ASTN2: variants seen among roughly 807,000 people sequenced by gnomAD.
The protein encoded by ASTN2 is astrotactin-2.
ASTN2 carries 54 observed loss-of-function variants against 139.8 expected under a neutral mutation model. The ratio of observed to expected loss-of-function variants is 0.39; its 90% confidence interval spans 0.31 to 0.48. The LOEUF (loss-of-function observed/expected upper bound fraction) is 0.48, where lower values mean the gene tolerates loss of function less well. ASTN2 is among the 20% of genes least tolerant of loss of function. The pLI is 0.95. For missense variants in ASTN2, 1,565 were observed against 1,725.1 expected, an observed-to-expected ratio of 0.91 and a Z score of 1.64; for synonymous variants, 756 against 719.5, an observed-to-expected ratio of 1.05 and a Z score of -0.81.
At chr9:116,747,936 C>G (rs568442790) in intron 13 of ASTN2, among the ~76,000 whole-genome samples, 2 of 152,242 alleles carry the variant, frequency 1.3e-5, no homozygotes, top group East Asian at 3.9e-4. Flanking sequence ...TTATCTTCTC[C>G]TTGGCCACTT....
intron 20 of ASTN2, among the ~76,000 whole-genome samples, chr9:116,470,401 T>C (rs1848776637): frequency 6.6e-6 from 1 of 152,108 alleles, no homozygotes; most frequent in Non-Finnish European, 1.5e-5. Context: ...ACTAGGAAGT[T>C]AGACTCTAGA....
At chr9:117,395,343 G>T (rs1045834188) in intron 1 of ASTN2, among the ~76,000 whole-genome samples, 1 of 152,114 alleles carries the variant, frequency 6.6e-6, no homozygotes, top group East Asian at 1.9e-4. Context: ...GGGAGAAGAG[G>T]TCTTTAAAAA....
In ASTN2 at chr9:117,096,036, A is replaced by G. The variant is rs748639251; in HGVS notation, c.1276+8T>C. On this transcript the variant is annotated splice_region_variant and intron_variant, in intron 5 of 22. Coordinates refer to ENST00000313400, the MANE Select transcript of ASTN2 (RefSeq NM_001365068.1). ...TCTGGTTCTGGAACCTTCCAAGGAC[A>G]CTATTACCTTTGCTGCGGCGGCGAC... 1.1e-5 allele frequency: 17 copies of G among 1,613,106 alleles called. No homozygotes were observed. The highest frequency in any genetic ancestry group is 1.4e-5 in the Non-Finnish European group (16 of 1,179,236).
chr9:116,926,910 C>G (rs1834770506), intron 10 of ASTN2, among the ~76,000 whole-genome samples: 1 of 151,992 alleles, frequency 6.6e-6, no homozygotes, highest in South Asian at 2.1e-4. Context: ...AGAGGGCCAT[C>G]AGGAGATTAT....
chr9:117,383,311 T>A (rs940493565), intron 1 of ASTN2, among the ~76,000 whole-genome samples: 1 of 152,150 alleles, frequency 6.6e-6, no homozygotes, highest in Non-Finnish European at 1.5e-5. Flanking sequence ...AGGTCAAAAA[T>A]AGACAAAATT....
chr9:117,127,358 C>T (rs1212037205), intron 4 of ASTN2, among the ~76,000 whole-genome samples: 1 of 152,188 alleles, frequency 6.6e-6, no homozygotes, highest in African/African-American at 2.4e-5. Context: ...AAGGCTGATA[C>T]AGATACAGGA....
chr9:116,563,185 C>G (rs971363960), intron 19 of ASTN2, among the ~76,000 whole-genome samples: 2 of 151,922 alleles, frequency 1.3e-5, no homozygotes, highest in African/African-American at 4.8e-5. Context: ...ACCATCCTGG[C>G]TAACACGGTG....
intron 16 of ASTN2, among the ~76,000 whole-genome samples, chr9:116,721,692 T>C (rs974069630): frequency 6.6e-6 from 1 of 152,156 alleles, no homozygotes; most frequent in Non-Finnish European, 1.5e-5. Context: ...CAGTTCTTCC[T>C]GCATTAGATT....
intron 13 of ASTN2, among the ~76,000 whole-genome samples, chr9:116,737,451 G>A (rs530285340): frequency 1.6e-5 from 2 of 123,922 alleles, no homozygotes; most frequent in Non-Finnish European, 3.3e-5. Flanking sequence ...CTTAGCGCTC[G>A]TGTGTGTGTG....
chr9:116,511,429 A>G (rs1850373365), intron 19 of ASTN2, among the ~76,000 whole-genome samples: 1 of 152,184 alleles, frequency 6.6e-6, no homozygotes, highest in Admixed American at 6.6e-5. Flanking sequence ...GGATTTTTGC[A>G]TCGATGTTCA....
In ASTN2 at chr9:117,110,132, A is replaced by C. The variant is rs73529059; in HGVS notation, c.1169-13981T>G. Among the ~76,000 whole-genome samples, 913 of 152,296 alleles carry C rather than the reference A, an allele frequency of 6.0e-3. 11 individuals carry two copies. The highest frequency in any genetic ancestry group is 0.02 in the African/African-American group (852 of 41,568). The stretch of plus-strand genomic sequence containing the variant: ...TTTCATCTTTTGAAATAAAAAAGTT[A>C]TTTCTTGCTTTAATAATATCCAGTG... On this transcript the variant is annotated intron_variant, in intron 4 of 22. Transcript: ENST00000313400.
At chr9:117,089,809 TAA>T (rs1342657079) in intron 5 of ASTN2, among the ~76,000 whole-genome samples, 1 of 152,192 alleles carries the variant, frequency 6.6e-6, no homozygotes, top group African/African-American at 2.4e-5. Context: ...ATACTTCACT[TAA>T]AATAATAGTC....
At chr9:116,514,670 G>A (rs955258016) in intron 19 of ASTN2, among the ~76,000 whole-genome samples, 4 of 152,156 alleles carry the variant, frequency 2.6e-5, no homozygotes, top group Non-Finnish European at 4.4e-5. Flanking sequence ...GAGCTTCCCA[G>A]CCGCTTTGTT....
rs570647643 is a variant in ASTN2 at position 116,820,477 on chromosome 9, G to A, written c.2207+140C>T. 5.8e-5 allele frequency: 65 copies of A among 1,126,090 alleles called. No homozygotes were observed. In the East Asian group the frequency reaches 6.5e-4, roughly 11 times the overall value. 69.8% of individuals were successfully genotyped at this position (1,126,090 alleles called of 1,614,324 possible). A position where few individuals can be genotyped will look rare whatever the true frequency, so the allele number is the denominator to read the frequency against. Reference sequence around the variant, plus strand: ...GTTATACTTTTGGCTTTTGGCTCTTGGACTAAAACAGGAAAGGCAGAAAGG... The same window carrying A: ...GTTATACTTTTGGCTTTTGGCTCTTAGACTAAAACAGGAAAGGCAGAAAGG... On this transcript the variant is annotated intron_variant, in intron 12 of 22. Transcript: ENST00000313400.
rs72437627 is a variant in ASTN2, at chr9:116,942,115, C to CA, written c.1889+33092_1889+33093insT. ...GCACACACACACACACACACACACA[C>CA]CACACACACACACACAATGTGGTCC... On this transcript the variant is annotated intron_variant, in intron 10 of 22. Coordinates refer to ENST00000313400, the MANE Select transcript of ASTN2 (RefSeq NM_001365068.1). Among the ~76,000 whole-genome samples, 78 of 94,380 alleles carry CA rather than the reference C, an allele frequency of 8.3e-4. No individual in the cohort carries two copies. In the East Asian group the frequency reaches 0.01, roughly 12 times the overall value. 61.9% of individuals were successfully genotyped at this position (94,380 alleles called of 152,430 possible). A position where few individuals can be genotyped will look rare whatever the true frequency, so the allele number is the denominator to read the frequency against.
chr9:116,727,955 T>C (rs186383514), intron 15 of ASTN2, among the ~76,000 whole-genome samples: 6 of 152,322 alleles, frequency 3.9e-5, no homozygotes, highest in Non-Finnish European at 8.8e-5. Flanking sequence ...TCCCAGGCTG[T>C]AAGAGCTTCA....
chr9:116,541,466 A>T (rs1367710007), intron 19 of ASTN2, among the ~76,000 whole-genome samples: 1 of 152,186 alleles, frequency 6.6e-6, no homozygotes, highest in East Asian at 1.9e-4. Flanking sequence ...CCTTGTTGCC[A>T]TGGTTTTCCT....
intron 1 of ASTN2, among the ~76,000 whole-genome samples, chr9:117,381,913 A>G (rs1205310903): frequency 6.6e-6 from 1 of 152,190 alleles, no homozygotes; most frequent in Non-Finnish European, 1.5e-5. Flanking sequence ...GGTCACAAGA[A>G]AGTATATGTA....
intron 13 of ASTN2, among the ~76,000 whole-genome samples, chr9:116,792,523 A>G (rs1444378227): frequency 6.6e-6 from 1 of 152,182 alleles, no homozygotes; most frequent in African/African-American, 2.4e-5. Context: ...CCTGCCTTCA[A>G]TAAGTGCCTT....
Sources: gnomAD v4.1 joint callset for allele counts (sites outside exome capture counted in the v4.1 genomes callset) on GRCh38, gnomAD v4.1.1 for gene constraint, MANE v1.5 for transcripts, NCBI Gene and HGNC (gene_info 2026-07-23, HGNC 2026-07-21) for gene names.